MAP3K20: variants seen among roughly 807,000 people sequenced by gnomAD.
MAP3K20 encodes the protein mitogen-activated protein kinase kinase kinase 20.
Under a neutral mutation model 85.7 loss-of-function variants are expected in MAP3K20, and 40 were observed. That is an observed-to-expected ratio of 0.47 (90% CI 0.36 to 0.61). The LOEUF (loss-of-function observed/expected upper bound fraction) is 0.61. MAP3K20 is among the 20% of genes least tolerant of loss of function. MAP3K20 has a pLI of 0.00. For missense variants in MAP3K20, 817 were observed against 961.7 expected, an observed-to-expected ratio of 0.85 and a Z score of 1.99; for synonymous variants, 325 against 327.7, an observed-to-expected ratio of 0.99 and a Z score of 0.09.
chr2:173,179,735 CACACAA>C (rs1026152868), intron 3 of MAP3K20, among the ~76,000 whole-genome samples: 2 of 151,112 alleles, frequency 1.3e-5, no homozygotes, highest in African/African-American at 4.9e-5. Context: ...CACACACACA[CACACAA>C]AAGCTACTAA....
At chr2:173,085,860 A>ATC (rs1357360205) in intron 1 of MAP3K20, among the ~76,000 whole-genome samples, 2 of 120,510 alleles carry the variant, frequency 1.7e-5, no homozygotes, top group Non-Finnish European at 3.2e-5. Flanking sequence ...CAGTGGTGCG[A>ATC]TCTTGGCTCA....
intron 2 of MAP3K20, among the ~76,000 whole-genome samples, chr2:173,129,512 C>G (rs1688547005): frequency 6.6e-6 from 1 of 152,280 alleles, no homozygotes; most frequent in Non-Finnish European, 1.5e-5. Context: ...ATGCATCTTA[C>G]AATCCATGAA....
intron 10 of MAP3K20, chr2:173,211,913 CAAA>C (rs796083750): frequency 4.7e-5 from 7 of 150,492 alleles, no homozygotes; most frequent in African/African-American, 1.2e-4. Context: ...GACTCCGTCT[CAAA>C]AAAAAAGAAG....
intron 16 of MAP3K20, among the ~76,000 whole-genome samples, chr2:173,255,334 C>CCT (rs1685133252): frequency 6.6e-6 from 1 of 152,198 alleles, no homozygotes; most frequent in African/African-American, 2.4e-5. Flanking sequence ...TCACCTGCCA[C>CCT]CTCTCCCGCT....
intron 4 of MAP3K20, among the ~76,000 whole-genome samples, chr2:173,186,203 G>A (rs3769174): frequency 0.22 from 33,695 of 151,992 alleles, 3,888 homozygotes; most frequent in African/African-American, 0.25. Flanking sequence ...GTCAGCAAGT[G>A]TAGAAACTAT....
Position 173,169,886 on chromosome 2 carries a change from G to A in MAP3K20, c.241G>A (p.Val81Ile). The change falls in exon 3 of 20, where the codon GTC becomes ATC. Residue 81 changes from valine (V) to isoleucine (I), a missense_variant. Physicochemically the swap from Val to Ile is conservative, Grantham distance 29. Coordinates refer to ENST00000375213, the MANE Select transcript of MAP3K20 (RefSeq NM_016653.3). ...VILEPPNYGI[V>I]TEYASLGSLY... ...TCTTGAACCTCCCAACTATGGCATT[G>A]TCACAGGTAAGAATTCAGTGTTTGA... 3.7e-6 allele frequency: 6 copies of A among 1,613,516 alleles called. No homozygotes were observed. Among genetic ancestry groups the A allele is most frequent in the Non-Finnish European group, 5.1e-6 (6 of 1,179,706 alleles).
intron 16 of MAP3K20, among the ~76,000 whole-genome samples, chr2:173,254,382 C>T (rs1248604215): frequency 7.2e-6 from 1 of 138,390 alleles, no homozygotes; most frequent in African/African-American, 2.8e-5. Flanking sequence ...TGCAGTGAGC[C>T]AAGATTGTGC....
chr2:173,227,406 A>G (rs1684418250), intron 11 of MAP3K20, among the ~76,000 whole-genome samples: 1 of 152,178 alleles, frequency 6.6e-6, no homozygotes, highest in Non-Finnish European at 1.5e-5. Context: ...AGAAAACATA[A>G]AGGAAATGGT....
intron 16 of MAP3K20, among the ~76,000 whole-genome samples, chr2:173,249,470 T>C (rs1684994799): frequency 1.3e-5 from 2 of 152,238 alleles, no homozygotes; most frequent in Non-Finnish European, 2.9e-5. Flanking sequence ...AAACAATGCC[T>C]ACTAACTAGG....
intron 1 of MAP3K20, among the ~76,000 whole-genome samples, chr2:173,079,177 A>G (rs1686946842): frequency 2.0e-5 from 3 of 152,248 alleles, no homozygotes; most frequent in Non-Finnish European, 2.9e-5. Flanking sequence ...CTACAGACCT[A>G]TGTAGCATGC....
chr2:173,217,834 T>C (rs1296117677), intron 11 of MAP3K20, among the ~76,000 whole-genome samples: 1 of 152,228 alleles, frequency 6.6e-6, no homozygotes, highest in African/African-American at 2.4e-5. Flanking sequence ...CTAGGCAGTA[T>C]CTTGTTTTCT....
chr2:173,234,002 G>A (rs1016005249), intron 14 of MAP3K20, among the ~76,000 whole-genome samples: 3 of 152,210 alleles, frequency 2.0e-5, no homozygotes, highest in African/African-American at 7.2e-5. Flanking sequence ...CTGGGTGTGG[G>A]CAAGTCCATC....
chr2:173,209,681 C>T, intron 9 of MAP3K20, 48 bp from the exon 10 acceptor site: 1 of 1,507,124 alleles, frequency 6.6e-7, no homozygotes, highest in Non-Finnish European at 9.0e-7. Context: ...TCTTAAATAT[C>T]TCCTTTCTTA....
intron 2 of MAP3K20, among the ~76,000 whole-genome samples, chr2:173,130,975 T>A (rs1688603678): frequency 6.6e-6 from 1 of 152,240 alleles, no homozygotes; most frequent in African/African-American, 2.4e-5. Flanking sequence ...GTGACTTGTC[T>A]ATCAGCCCCT....
chr2:173,100,220 A>G (rs1360255822), intron 2 of MAP3K20, among the ~76,000 whole-genome samples: 3 of 152,236 alleles, frequency 2.0e-5, no homozygotes, highest in Middle Eastern at 3.2e-3. Context: ...ACTAGACATC[A>G]TCACTCTACC....
rs762317045 is a variant in MAP3K20 at position 173,187,631 on chromosome 2, A to G, written c.415+8A>G. On this transcript the variant is annotated splice_region_variant and intron_variant, in intron 5 of 19. Coordinates refer to ENST00000375213, the MANE Select transcript of MAP3K20 (RefSeq NM_016653.3). ...ACCTCAAGTCAAGAAACGGTAATGTAGTTATGTTTTTATTTTACCTATTTT... is the reference window on the plus strand; with the variant it reads ...ACCTCAAGTCAAGAAACGGTAATGTGGTTATGTTTTTATTTTACCTATTTT... The G allele has an allele frequency of 5.2e-5, 83 of 1,600,814 alleles. No homozygotes were observed. The Middle Eastern group carries it at 8.4e-4, about 16-fold the overall frequency.
intron 10 of MAP3K20, chr2:173,211,176 TC>T (rs1683881164): frequency 6.6e-6 from 1 of 152,182 alleles, no homozygotes; most frequent in African/African-American, 2.4e-5. Context: ...ATGCCTGTAA[TC>T]CCAGCACTTC....
At chr2:173,084,611 A>G (rs1397166877) in intron 1 of MAP3K20, among the ~76,000 whole-genome samples, 2 of 152,214 alleles carry the variant, frequency 1.3e-5, no homozygotes, top group Non-Finnish European at 2.9e-5. Flanking sequence ...TCAGGGATCA[A>G]TAGCACCTTT....
At chr2:173,255,467 A>G (rs928646974) in intron 16 of MAP3K20, among the ~76,000 whole-genome samples, 4 of 152,184 alleles carry the variant, frequency 2.6e-5, no homozygotes, top group Non-Finnish European at 5.9e-5. Context: ...CATTTTTCTC[A>G]TTCGTCTAAA....
Sources: allele counts gnomAD v4.1 joint callset (sites outside exome capture counted in the v4.1 genomes callset), GRCh38; gene constraint gnomAD v4.1.1; transcripts MANE v1.5; gene names NCBI Gene and HGNC (gene_info 2026-07-23, HGNC 2026-07-21).